MYRIP: variants seen among roughly 807,000 people sequenced by gnomAD.
MYRIP encodes rab effector MyRIP.
A neutral mutation model predicts 98.0 loss-of-function variants in MYRIP; 49 were observed. That is an observed-to-expected ratio of 0.50 (90% CI 0.40 to 0.63). The LOEUF (loss-of-function observed/expected upper bound fraction) is 0.63. MYRIP is among the 30% of genes least tolerant of loss of function. The probability of loss-of-function intolerance (pLI) is 0.00; values close to 1 mark genes in which losing one functional copy is unlikely to be tolerated. For missense variants in MYRIP, 1,004 were observed against 1,058.2 expected (o/e 0.95, Z 0.71); for synonymous variants, 404 against 409.5 (o/e 0.99, Z 0.16).
At chr3:40,129,382 A>G (rs1459672080) in intron 3 of MYRIP, among the ~76,000 whole-genome samples, 1 of 133,338 alleles carries the variant, frequency 7.5e-6, no homozygotes, top group East Asian at 2.5e-4. Context: ...TGGAGGTTGC[A>G]GTGAGCCGAG....
At chr3:39,813,295 C>G (rs1940764106) in intron 1 of MYRIP, among the ~76,000 whole-genome samples, 1 of 152,132 alleles carries the variant, frequency 6.6e-6, no homozygotes. Flanking sequence ...GATGTTGTAT[C>G]CAGATATGGA....
chr3:40,107,509 T>C (rs923659379), intron 3 of MYRIP, among the ~76,000 whole-genome samples: 5 of 152,146 alleles, frequency 3.3e-5, no homozygotes, highest in Admixed American at 1.3e-4. Context: ...GGGGCTGATC[T>C]TGGAGGTCTT....
At chr3:40,134,060 C>G (rs551688494) in intron 3 of MYRIP, among the ~76,000 whole-genome samples, 12 of 152,118 alleles carry the variant, frequency 7.9e-5, no homozygotes, top group African/African-American at 2.7e-4. Flanking sequence ...TGCAGTGCAC[C>G]CTGCGTGAGC....
intron 1 of MYRIP, among the ~76,000 whole-genome samples, chr3:39,827,837 C>G (rs574177675): frequency 1.3e-5 from 2 of 152,000 alleles, no homozygotes; most frequent in Non-Finnish European, 1.5e-5. Context: ...TCCTTCAATT[C>G]TGAAGGATAG....
intron 2 of MYRIP, among the ~76,000 whole-genome samples, chr3:40,032,083 G>C (rs1947274537): frequency 6.6e-6 from 1 of 151,814 alleles, no homozygotes; most frequent in African/African-American, 2.4e-5. Context: ...GTGATGTTAG[G>C]GTGTCCATTT....
intron 11 of MYRIP, among the ~76,000 whole-genome samples, chr3:40,213,568 A>G (rs1328393920): frequency 1.3e-5 from 2 of 152,006 alleles, no homozygotes. Flanking sequence ...GATCAGAGTT[A>G]ACTGTGATGT....
At chr3:40,244,767 C>G (rs1157302747) in intron 13 of MYRIP, 160 bp downstream of exon 13, 1 of 812,906 alleles carries the variant, frequency 1.2e-6, no homozygotes, top group East Asian at 2.9e-5. Flanking sequence ...ACCAAATTCT[C>G]CCTTTAAAAG....
chr3:39,859,567 A>C (rs1942403525), intron 1 of MYRIP, among the ~76,000 whole-genome samples: 1 of 152,226 alleles, frequency 6.6e-6, no homozygotes, highest in South Asian at 2.1e-4. Flanking sequence ...TGGGGACATG[A>C]CAAGAAAATC....
intron 3 of MYRIP, among the ~76,000 whole-genome samples, chr3:40,074,546 G>A (rs556936058): frequency 6.6e-6 from 1 of 152,062 alleles, no homozygotes; most frequent in Non-Finnish European, 1.5e-5. Context: ...AGAACGAAAA[G>A]TGAACTAAGC....
Position 39,878,560 on chromosome 3 carries a change from G to GTA in MYRIP, c.-30-22218_-30-22217dup, listed in dbSNP as rs149655156. Among the ~76,000 whole-genome samples, 92 of 151,820 alleles carry GTA rather than the reference G, an allele frequency of 6.1e-4. 1 individual carries two copies. Among genetic ancestry groups the GTA allele is most frequent in the East Asian group, 2.9e-3 (15 of 5,168 alleles). ...AATGAACATTTTTGAAAATACAAATGTATATATATACACAGAGGTGTATAT... is the reference window on the plus strand; with the variant it reads ...AATGAACATTTTTGAAAATACAAATGTATATATATATACACAGAGGTGTATAT... On this transcript the variant is annotated intron_variant, in intron 1 of 16. Coordinates refer to ENST00000302541, the MANE Select transcript of MYRIP (RefSeq NM_015460.4).
intron 3 of MYRIP, among the ~76,000 whole-genome samples, chr3:40,068,356 C>G (rs1459884619): frequency 1.3e-5 from 2 of 152,112 alleles, no homozygotes; most frequent in Non-Finnish European, 2.9e-5. Flanking sequence ...ATGTTTTGCT[C>G]TAGGTGAGTT....
At chr3:40,191,200 A>G (rs527734311) in intron 10 of MYRIP, among the ~76,000 whole-genome samples, 22 of 152,308 alleles carry the variant, frequency 1.4e-4, no homozygotes, top group African/African-American at 4.3e-4. Flanking sequence ...ATACACACAC[A>G]TACTCACACA....
intron 2 of MYRIP, among the ~76,000 whole-genome samples, chr3:39,954,754 G>T (rs1158652309): frequency 6.6e-6 from 1 of 152,082 alleles, no homozygotes; most frequent in South Asian, 2.1e-4. Flanking sequence ...CAAACCCATC[G>T]CAAAGAAGCT....
chr3:40,191,725 T>C (rs1037478237), intron 10 of MYRIP, among the ~76,000 whole-genome samples: 2 of 152,202 alleles, frequency 1.3e-5, no homozygotes, highest in African/African-American at 4.8e-5. Context: ...CAGAAGATCA[T>C]TAAAAATCTG....
At chr3:40,022,921 G>A (rs1197048243) in intron 2 of MYRIP, among the ~76,000 whole-genome samples, 1 of 152,162 alleles carries the variant, frequency 6.6e-6, no homozygotes, top group Non-Finnish European at 1.5e-5. Flanking sequence ...ACCTGGAAAA[G>A]AGACTGGCAG....
At chr3:40,184,517 C>T (rs1343402702) in intron 9 of MYRIP, among the ~76,000 whole-genome samples, 1 of 152,204 alleles carries the variant, frequency 6.6e-6, no homozygotes, top group African/African-American at 2.4e-5. Flanking sequence ...GTAGGCAGAG[C>T]TGGTCCTCAA....
Position 40,190,318 on chromosome 3 carries a change from C to T in MYRIP, c.1520C>T (p.Thr507Ile). The change falls in exon 10 of 17, where the codon ACC (threonine) becomes ATC (isoleucine). Residue 507 changes from threonine (T) to isoleucine (I), a missense_variant. Physicochemically the swap from Thr to Ile is moderately conservative, Grantham distance 89. Transcript: ENST00000302541. The part of the protein sequence containing the change: ...NFNPQLASRE[T>I]SDSSEPEEAP... The stretch of plus-strand genomic sequence containing the variant: ...AACCCCCAGTTGGCCAGCAGGGAGA[C>T]CTCGGACAGCAGCGAGCCGGAGGAG... 1.2e-6 allele frequency: 2 copies of T among 1,614,002 alleles called. No individual in the cohort carries two copies. The highest frequency in any genetic ancestry group is 2.2e-5 in the South Asian group (2 of 91,074).
intron 5 of MYRIP, among the ~76,000 whole-genome samples, chr3:40,165,300 A>G (rs1950479237): frequency 6.6e-6 from 1 of 152,220 alleles, no homozygotes; most frequent in Admixed American, 6.5e-5. Flanking sequence ...TTTGACCTTA[A>G]GTGGATTGTT....
intron 1 of MYRIP, among the ~76,000 whole-genome samples, chr3:39,899,004 C>T (rs6801833): frequency 7.2e-4 from 110 of 152,244 alleles, no homozygotes; most frequent in African/African-American, 2.6e-3. Context: ...CAAGGTGAAG[C>T]AGCAGCAGCA....
Sources: allele counts gnomAD v4.1 joint callset (sites outside exome capture counted in the v4.1 genomes callset), GRCh38; gene constraint gnomAD v4.1.1; transcripts MANE v1.5; gene names NCBI Gene and HGNC (gene_info 2026-07-23, HGNC 2026-07-21).